The following CFAP61 variants were observed in gnomAD, a reference collection of about 807,000 sequenced individuals.
The protein encoded by CFAP61 is cilia and flagella associated protein 61.
In CFAP61, 107 loss-of-function variants were observed where a neutral mutation model predicts 135.6. The ratio of observed to expected loss-of-function variants is 0.79; its 90% confidence interval spans 0.67 to 0.93. The LOEUF (loss-of-function observed/expected upper bound fraction) is 0.93, where lower values mean the gene tolerates loss of function less well. Among genes scored for constraint, CFAP61 ranks in the 40% least tolerant of loss-of-function variants. The pLI is 0.00. For synonymous variants in CFAP61, 575 were observed against 578.5 expected (o/e 0.99, Z 0.09); for missense variants, 1,507 against 1,556.2 (o/e 0.97, Z 0.53).
intron 17 of CFAP61, among the ~76,000 whole-genome samples, chr20:20,218,038 G>C (rs1033366990): frequency 9.9e-5 from 15 of 152,080 alleles, no homozygotes; most frequent in Admixed American, 6.6e-5. Context: ...GCTAAATTTA[G>C]CTCCACTGTC....
chr20:20,174,256 C>T (rs544023716), intron 13 of CFAP61, among the ~76,000 whole-genome samples: 1 of 152,324 alleles, frequency 6.6e-6, no homozygotes, highest in Admixed American at 6.5e-5. Flanking sequence ...CAGCCTCCTC[C>T]AGTTTGTCGC....
chr20:20,069,496 C>G (rs1007364657), intron 2 of CFAP61, among the ~76,000 whole-genome samples: 1 of 152,136 alleles, frequency 6.6e-6, no homozygotes, highest in African/African-American at 2.4e-5. Flanking sequence ...GCCAGGCTGT[C>G]TCAAACTCCT....
At chr20:20,087,238 C>G (rs1173798361) in intron 6 of CFAP61, among the ~76,000 whole-genome samples, 4 of 152,110 alleles carry the variant, frequency 2.6e-5, no homozygotes, top group African/African-American at 9.7e-5. Flanking sequence ...TCCCATCACC[C>G]AGGTACTGAG....
intron 8 of CFAP61, among the ~76,000 whole-genome samples, chr20:20,119,182 A>G (rs1036530606): frequency 2.0e-5 from 3 of 152,280 alleles, no homozygotes; most frequent in African/African-American, 7.2e-5. Context: ...TTGAAGAGTT[A>G]CAGTAAAATT....
In CFAP61 at chr20:20,359,624, A is replaced by T. The variant is rs1292194019; in HGVS notation, c.3514-586A>T. Among the ~76,000 whole-genome samples, 1 of 152,158 alleles carries T rather than the reference A, an allele frequency of 6.6e-6. No individual in the cohort carries two copies. On this transcript the variant is annotated intron_variant, in intron 26 of 26. Coordinates refer to ENST00000245957, the MANE Select transcript of CFAP61 (RefSeq NM_015585.4). The surrounding 1 kb of genome is among the most constrained non-coding windows in gnomAD (Gnocchi z 4.0). ...GGTTGCAGTGAGCCGAGATCATGCC[A>T]TTGCACTCCAGCCTGGGCAACAACA...
At chr20:20,308,613 A>G (rs2056623688) in intron 25 of CFAP61, among the ~76,000 whole-genome samples, 1 of 152,156 alleles carries the variant, frequency 6.6e-6, no homozygotes, top group African/African-American at 2.4e-5. Flanking sequence ...GGCCAACCCC[A>G]GGCAGCCTGG....
At chr20:20,235,983 TCAAA>T (rs2049560268) in intron 18 of CFAP61, among the ~76,000 whole-genome samples, 2 of 152,184 alleles carry the variant, frequency 1.3e-5, no homozygotes, top group South Asian at 4.1e-4. Flanking sequence ...ATAATGCCTT[TCAAA>T]CAGATAATCC....
chr20:20,242,882 T>G (rs180981203), intron 18 of CFAP61, among the ~76,000 whole-genome samples: 19 of 152,220 alleles, frequency 1.2e-4, no homozygotes, highest in Admixed American at 7.8e-4. Flanking sequence ...TGGATCCCTC[T>G]GAACAATTTG....
chr20:20,188,088 A>G (rs891079884), intron 14 of CFAP61, 32 bp downstream of exon 14: 10 of 1,612,582 alleles, frequency 6.2e-6, no homozygotes, highest in African/African-American at 5.3e-5. Context: ...ACCTCAGGAT[A>G]TGGGACCATT....
chr20:20,276,371 A>G (rs1443519607), intron 21 of CFAP61, among the ~76,000 whole-genome samples: 3 of 152,230 alleles, frequency 2.0e-5, no homozygotes, highest in African/African-American at 4.8e-5. Flanking sequence ...GAAAATGCCA[A>G]TTCAATGTCA....
chr20:20,172,182 G>A (rs1419750372), intron 13 of CFAP61: 2 of 890,688 alleles, frequency 2.2e-6, no homozygotes, highest in Non-Finnish European at 2.7e-6. Flanking sequence ...TGTATGTATA[G>A]AAGTTCTAAA....
rs192911592 is a variant in CFAP61, at chr20:20,300,320, T to C, written c.3422+1934T>C. 2.0e-5 allele frequency among the ~76,000 whole-genome samples: 3 copies of C among 152,288 alleles called. No individual in the cohort carries two copies. The East Asian group carries it at 5.8e-4, about 29-fold the overall frequency. On this transcript the variant is annotated intron_variant, in intron 25 of 26. Transcript: ENST00000245957. ...AAGTTAACTCTAAAACAGTCTCAGA[T>C]AGGTCCTTTGGGGGTATTCAGAAGG... is the stretch of plus-strand genomic sequence containing the variant.
intron 7 of CFAP61, among the ~76,000 whole-genome samples, chr20:20,093,542 C>G (rs781767757): frequency 4.7e-5 from 7 of 148,818 alleles, no homozygotes; most frequent in Non-Finnish European, 1.0e-4. Flanking sequence ...TCAAGTGATT[C>G]TCCTGCCTCA....
At chr20:20,145,706 A>G (rs2051823974) in intron 9 of CFAP61, among the ~76,000 whole-genome samples, 1 of 152,208 alleles carries the variant, frequency 6.6e-6, no homozygotes, top group Non-Finnish European at 1.5e-5. Flanking sequence ...TGCCAACACT[A>G]ATCAAAAGTT....
chr20:20,192,319 G>A (rs1321512326), intron 15 of CFAP61, among the ~76,000 whole-genome samples: 2 of 151,954 alleles, frequency 1.3e-5, no homozygotes, highest in African/African-American at 2.4e-5. Context: ...TTTGTCCTGT[G>A]GGTCCACTCT....
At chr20:20,311,694 C>G (rs998032634) in intron 25 of CFAP61, among the ~76,000 whole-genome samples, 1 of 152,052 alleles carries the variant, frequency 6.6e-6, no homozygotes, top group Non-Finnish European at 1.5e-5. Context: ...GAAGGTTGCA[C>G]AGAGAGAGAA....
intron 8 of CFAP61, 128 bp downstream of exon 8, chr20:20,098,942 A>G (rs1263166811): frequency 2.4e-6 from 2 of 818,770 alleles, no homozygotes; most frequent in Non-Finnish European, 3.7e-6. Context: ...CTTAAGGAGT[A>G]GTTCCCATGG....
chr20:20,343,827 T>C (rs905545153), intron 26 of CFAP61, among the ~76,000 whole-genome samples: 8 of 152,190 alleles, frequency 5.3e-5, no homozygotes, highest in Non-Finnish European at 8.8e-5. Flanking sequence ...CCATGGAAAC[T>C]GTCAAGCCCA....
At chr20:20,080,984 G>C (rs962937127) in intron 6 of CFAP61, among the ~76,000 whole-genome samples, 2 of 151,624 alleles carry the variant, frequency 1.3e-5, no homozygotes, top group East Asian at 3.9e-4. Context: ...CCTGGCGACA[G>C]AGCAAGACTC....
Sources: allele counts gnomAD v4.1 joint callset (sites outside exome capture counted in the v4.1 genomes callset), GRCh38; gene constraint gnomAD v4.1.1; non-coding constraint Gnocchi (gnomAD v3.1); transcripts MANE v1.5; gene names NCBI Gene and HGNC (gene_info 2026-07-23, HGNC 2026-07-21).